N4BP1: variants seen among roughly 807,000 people sequenced by gnomAD.
N4BP1 encodes the protein NEDD4-binding protein 1.
A neutral mutation model predicts 70.9 loss-of-function variants in N4BP1; 21 were observed. The observed-to-expected ratio is 0.30, with a 90% CI of 0.21 to 0.43. N4BP1 has a LOEUF of 0.43. Ranked by LOEUF, N4BP1 falls within the 20% of genes least tolerant of loss-of-function variation. The pLI, the probability that N4BP1 is intolerant of heterozygous loss-of-function variation, is 1.00. For missense variants in N4BP1, 936 were observed against 1,069.4 expected, an observed-to-expected ratio of 0.88 and a Z score of 1.74; for synonymous variants, 387 against 394.6, an observed-to-expected ratio of 0.98 and a Z score of 0.23.
chr16:48,567,412 G>A (rs1963958607), intron 1 of N4BP1, among the ~76,000 whole-genome samples: 1 of 152,156 alleles, frequency 6.6e-6, no homozygotes, highest in Admixed American at 6.5e-5. Context: ...CCATCTCCTA[G>A]GTTCAAGCGA....
chr16:48,584,726 C>A (rs1964219086), intron 1 of N4BP1, among the ~76,000 whole-genome samples: 1 of 151,906 alleles, frequency 6.6e-6, no homozygotes, highest in African/African-American at 2.4e-5. Flanking sequence ...GCTAATAACA[C>A]ACTGCGAGAT....
intron 1 of N4BP1, among the ~76,000 whole-genome samples, chr16:48,582,160 A>G (rs1439908081): frequency 6.6e-6 from 1 of 152,256 alleles, no homozygotes; most frequent in Non-Finnish European, 1.5e-5. Flanking sequence ...TATCAAAAGA[A>G]GATATACAAA....
At chr16:48,591,782 A>G (rs556163743) in intron 1 of N4BP1, among the ~76,000 whole-genome samples, 75 of 143,276 alleles carry the variant, frequency 5.2e-4, no homozygotes, top group Non-Finnish European at 1.7e-4. Context: ...TCCACTTTGG[A>G]AAAAAAAAAA....
intron 1 of N4BP1, among the ~76,000 whole-genome samples, chr16:48,576,067 G>T (rs569519127): frequency 2.6e-5 from 4 of 151,818 alleles, no homozygotes; most frequent in Non-Finnish European, 4.4e-5. Context: ...TCTTTCATAA[G>T]AGGTGTTCTG....
At chr16:48,578,397 T>G (rs1272275342) in intron 1 of N4BP1, 3 of 152,364 alleles carry the variant, frequency 2.0e-5, no homozygotes, top group Non-Finnish European at 4.4e-5. Context: ...AAGAAGCAAC[T>G]ATTAACATTT....
At chr16:48,589,176 G>A (rs533935038) in intron 1 of N4BP1, among the ~76,000 whole-genome samples, 1 of 152,146 alleles carries the variant, frequency 6.6e-6, no homozygotes, top group South Asian at 2.1e-4. Flanking sequence ...TGTATTTCCT[G>A]GCATACAACT....
intron 1 of N4BP1, among the ~76,000 whole-genome samples, chr16:48,586,490 T>A (rs1432529049): frequency 6.6e-6 from 1 of 152,238 alleles, no homozygotes; most frequent in Admixed American, 6.5e-5. Context: ...ACTACACGAT[T>A]AGTTTACCCT....
rs919324936 is a variant in N4BP1 at position 48,548,117 on chromosome 16, A to G, written c.2118-3T>C. ...TGTCCGCTAAGTGTAGTAGAAACCT[A>G]TGGTAATATAAGAGAGTTTAAAATC... is the stretch of plus-strand genomic sequence containing the variant. On this transcript the variant is annotated splice_region_variant and splice_polypyrimidine_tract_variant and intron_variant, in intron 4 of 6. Coordinates refer to ENST00000262384, the MANE Select transcript of N4BP1 (RefSeq NM_153029.4). 2.6e-6 allele frequency: 4 copies of G among 1,568,222 alleles called. No homozygotes were observed. Among genetic ancestry groups the G allele is most frequent in the Non-Finnish European group, 3.5e-6 (4 of 1,139,654 alleles).
Position 48,610,067 on chromosome 16 carries a change from G to A in N4BP1, c.-95C>T. The A allele has an allele frequency of 5.9e-6, 4 of 682,008 alleles. No homozygotes were observed. The highest frequency in any genetic ancestry group is 7.3e-6 in the Non-Finnish European group (4 of 548,052). 42.2% of individuals were successfully genotyped at this position (682,008 alleles called of 1,614,324 possible). A position where few individuals can be genotyped will look rare whatever the true frequency, so the allele number is the denominator to read the frequency against. On this transcript the variant is annotated 5_prime_UTR_variant, in exon 1 of 7. Coordinates refer to ENST00000262384, the MANE Select transcript of N4BP1 (RefSeq NM_153029.4). ...GCTCCCAAGCCAGTCAGGCGGCGTC[G>A]GCCCTTCCCGGCCGCCTCGCCCCCG...
intron 2 of N4BP1, among the ~76,000 whole-genome samples, chr16:48,557,928 T>G (rs1963779855): frequency 6.6e-6 from 1 of 152,164 alleles, no homozygotes; most frequent in Non-Finnish European, 1.5e-5. Flanking sequence ...CACTTAACAT[T>G]GAAGCAACTG....
intron 5 of N4BP1, 46 bp from the exon 6 acceptor site, chr16:48,546,300 C>A: frequency 1.5e-6 from 2 of 1,370,928 alleles, no homozygotes; most frequent in African/African-American, 3.0e-5. Flanking sequence ...GTCCTCACTG[C>A]CCAGGGCCTG....
chr16:48,563,252 G>T (rs1597097446), intron 1 of N4BP1, among the ~76,000 whole-genome samples: 1 of 152,154 alleles, frequency 6.6e-6, no homozygotes, highest in East Asian at 1.9e-4. Flanking sequence ...CTACTTGGGA[G>T]GCTGAGATGG....
In N4BP1 at chr16:48,600,290, G is replaced by T. The variant is rs1421379461; in HGVS notation, c.198+9485C>A. On this transcript the variant is annotated intron_variant, in intron 1 of 6. Coordinates refer to ENST00000262384, the MANE Select transcript of N4BP1 (RefSeq NM_153029.4). ...AATGTCATAAAAACTTTAAAAAGAAGCACAATCCTTGCAAAGTTAGGTGGA... is the reference window on the plus strand; with the variant it reads ...AATGTCATAAAAACTTTAAAAAGAATCACAATCCTTGCAAAGTTAGGTGGA... 3 of 1,141,148 alleles carry T rather than the reference G, an allele frequency of 2.6e-6. No individual in the cohort carries two copies. The African/African-American group carries it at 4.6e-5, about 18-fold the overall frequency. The allele number at this position is 1,141,148 out of a possible 1,614,324, so 70.7% of individuals were successfully genotyped here.
Position 48,561,570 on chromosome 16 carries a change from C to A in N4BP1, c.1073G>T (p.Gly358Val). Reference protein sequence around the residue: ...NILVNFFKTMGYSQEIVEKVI... With the variant: ...NILVNFFKTMVYSQEIVEKVI... The stretch of plus-strand genomic sequence containing the variant: ...CTTTTCAACAATTTCTTGGGAGTAG[C>A]CCATGGTTTTAAAAAAGTTTACGAG... The change falls in exon 2 of 7, where the codon GGC (glycine) becomes GTC (valine). Residue 358 changes from glycine (G) to valine (V), a missense_variant. By Grantham distance (109) the Gly-to-Val change is moderately radical (BLOSUM62 -3). Coordinates refer to ENST00000262384, the MANE Select transcript of N4BP1 (RefSeq NM_153029.4). 6.2e-7 allele frequency: 1 copy of A among 1,613,794 alleles called. No homozygotes were observed. Among genetic ancestry groups the A allele is most frequent in the Non-Finnish European group, 8.5e-7 (1 of 1,179,856 alleles).
Position 48,543,271 on chromosome 16 carries a change from G to C in N4BP1, c.2334-10C>G, listed in dbSNP as rs778334150. 3.3e-6 allele frequency: 5 copies of C among 1,504,462 alleles called. No individual in the cohort carries two copies. Among genetic ancestry groups the C allele is most frequent in the Admixed American group, 2.3e-5 (1 of 43,342 alleles). The allele number at this position is 1,504,462 out of a possible 1,614,324, so 93.2% of individuals were successfully genotyped here. ...TAGGGGCTGCATATCTCTGTGAATG[G>C]AAGTGAGTCCTGGTGAGTTGGGTTA... On this transcript the variant is annotated splice_polypyrimidine_tract_variant and intron_variant, in intron 6 of 6. Coordinates refer to ENST00000262384, the MANE Select transcript of N4BP1 (RefSeq NM_153029.4).
chr16:48,547,931 AAC>A, intron 5 of N4BP1, 74 bp downstream of exon 5: 1 of 997,138 alleles, frequency 1.0e-6, no homozygotes, highest in Non-Finnish European at 1.6e-6. Context: ...TAGAAAACAA[AAC>A]GAACAAAATG....
At chr16:48,600,910 C>A (rs899108838) in intron 1 of N4BP1, among the ~76,000 whole-genome samples, 1 of 151,988 alleles carries the variant, frequency 6.6e-6, no homozygotes, top group Admixed American at 6.5e-5. Context: ...AATGGTTATG[C>A]CAATTGGATA....
intron 1 of N4BP1, among the ~76,000 whole-genome samples, chr16:48,573,500 G>A (rs540280070): frequency 2.6e-4 from 40 of 152,148 alleles, no homozygotes; most frequent in Non-Finnish European, 5.4e-4. Context: ...GGCTGAGGCA[G>A]GAGAATCACT....
intron 1 of N4BP1, among the ~76,000 whole-genome samples, chr16:48,607,423 T>C (rs542163012): frequency 1.8e-4 from 27 of 152,208 alleles, no homozygotes; most frequent in Non-Finnish European, 3.8e-4. Flanking sequence ...AAAGTGGGGT[T>C]GGATTAATCG....
Sources: gnomAD v4.1 joint callset for allele counts (sites outside exome capture counted in the v4.1 genomes callset) on GRCh38, gnomAD v4.1.1 for gene constraint, MANE v1.5 for transcripts, NCBI Gene and HGNC (gene_info 2026-07-23, HGNC 2026-07-21) for gene names.